Variants in UMODL1 observed in about 807,000 individuals in gnomAD.
The protein encoded by UMODL1 is uromodulin-like 1.
UMODL1 carries 128 observed loss-of-function variants against 136.3 expected under a neutral mutation model. The ratio of observed to expected loss-of-function variants is 0.94; its 90% CI spans 0.81 to 1.09. The LOEUF (loss-of-function observed/expected upper bound fraction) is 1.09. UMODL1 is among the 50% of genes least tolerant of loss of function. The pLI, the probability that UMODL1 is intolerant of heterozygous loss-of-function variation, is 0.00. For synonymous variants in UMODL1, 721 were observed against 720.0 expected (o/e 1.00, Z -0.02); for missense variants, 1,766 against 1,725.6 (o/e 1.02, Z -0.41).
chr21:42,083,520 G>A (rs1207974601), intron 2 of UMODL1, among the ~76,000 whole-genome samples: 1 of 152,198 alleles, frequency 6.6e-6, no homozygotes, highest in Non-Finnish European at 1.5e-5. Flanking sequence ...GAGCTGCTCC[G>A]AGCTCCCCTC....
chr21:42,117,665 G>A (rs762277415), intron 14 of UMODL1, among the ~76,000 whole-genome samples: 2 of 152,214 alleles, frequency 1.3e-5, no homozygotes, highest in Non-Finnish European at 1.5e-5. Flanking sequence ...AAACCCCAGC[G>A]CTTCCCCCAC....
intron 6 of UMODL1, among the ~76,000 whole-genome samples, chr21:42,096,194 C>G (rs1441401494): frequency 6.6e-6 from 1 of 152,170 alleles, no homozygotes; most frequent in Non-Finnish European, 1.5e-5. Context: ...AGGTAACACA[C>G]TGGAGAAAGG....
intron 7 of UMODL1, among the ~76,000 whole-genome samples, chr21:42,100,648 C>T (rs914071779): frequency 6.6e-6 from 1 of 152,022 alleles, no homozygotes; most frequent in Non-Finnish European, 1.5e-5. Flanking sequence ...ATTACAGAAC[C>T]ATCCTCCAGG....
At position 42,088,448 on chromosome 21, in the gene UMODL1, G is replaced by A. The variant is rs750001668; in HGVS notation, c.758G>A (p.Arg253His). 43 of 1,613,126 alleles carry A rather than the reference G, an allele frequency of 2.7e-5. No homozygotes were observed. In the South Asian group the frequency reaches 3.5e-4, roughly 13 times the overall value. Reference protein sequence around the residue: ...VSTLLGDIAKRVYEVISVQVQ... With the variant: ...VSTLLGDIAKHVYEVISVQVQ... ...ACCCTGCTGGGTGACATTGCGAAGCGTGTCTATGAAGTGATCAGCGTCCAG... is the reference window on the plus strand; with the variant it reads ...ACCCTGCTGGGTGACATTGCGAAGCATGTCTATGAAGTGATCAGCGTCCAG... Residue 253 changes from arginine to histidine, a missense_variant, in exon 5 of 23, where the codon CGT (arginine) becomes CAT (histidine). By Grantham distance (29) the Arg-to-His change is conservative. Coordinates refer to ENST00000408910, the MANE Select transcript of UMODL1 (RefSeq NM_001004416.3).
intron 9 of UMODL1, among the ~76,000 whole-genome samples, chr21:42,108,911 C>A: frequency 1.4e-5 from 2 of 142,778 alleles, no homozygotes; most frequent in East Asian, 2.2e-4. Context: ...CAGGCTGACC[C>A]CCACCCCCCC....
chr21:42,095,214 C>T (rs2066543127), intron 6 of UMODL1, among the ~76,000 whole-genome samples: 1 of 149,820 alleles, frequency 6.7e-6, no homozygotes, highest in Non-Finnish European at 1.5e-5. Context: ...CCTAGCTCAG[C>T]CCCCCAAGTA....
chr21:42,084,348 T>C, intron 3 of UMODL1, 103 bp downstream of exon 3: 1 of 1,337,040 alleles, frequency 7.5e-7, no homozygotes, highest in Non-Finnish European at 9.9e-7. Flanking sequence ...CTAGGAGCAG[T>C]GACCGATTTC....
intron 2 of UMODL1, among the ~76,000 whole-genome samples, chr21:42,076,529 G>A (rs112423527): frequency 1.3e-3 from 196 of 152,298 alleles, no homozygotes; most frequent in African/African-American, 4.5e-3. Context: ...GAGAACCTCT[G>A]CTGTTCTCAG....
Position 42,111,583 on chromosome 21 carries a change from T to C in UMODL1, c.1977T>C (p.His659=). 6.2e-7 allele frequency: 1 copy of C among 1,614,144 alleles called. No individual in the cohort carries two copies. Among genetic ancestry groups the C allele is most frequent in the Non-Finnish European group, 8.5e-7 (1 of 1,180,000 alleles). ...ACCCCACCGGCCACTTCCTGTGGCA[T>C]GCCACCCGTTCCACCCGGGAAACAC... is the stretch of plus-strand genomic sequence containing the variant. ...TEDPTGHFLW[H]ATRSTRETLL... is the part of the protein sequence containing the mutation. The change falls in exon 12 of 23, where the codon CAT becomes CAC. Residue 659 remains histidine (H), a synonymous_variant. Coordinates refer to ENST00000408910, the MANE Select transcript of UMODL1 (RefSeq NM_001004416.3).
At chr21:42,135,335 G>A (rs1055404434) in intron 21 of UMODL1, among the ~76,000 whole-genome samples, 1 of 152,212 alleles carries the variant, frequency 6.6e-6, no homozygotes, top group Admixed American at 6.5e-5. Context: ...ACCATTCCTG[G>A]ACTTTGGTGT....
chr21:42,110,897 A>T lies in UMODL1; in HGVS notation c.1675A>T (p.Met559Leu), dbSNP rs753188687. The T allele has an allele frequency of 6.2e-7, 1 of 1,608,652 alleles. No individual in the cohort carries two copies. The highest frequency in any genetic ancestry group is 1.1e-5 in the South Asian group (1 of 89,612). ...CTTGGCAGGTGACCTGGTGAGCCCC[A>T]TGGGCGGTGGACTGTCTGCGGCAAC... ...RACEGDLVSP[M>L]GGGLSAATGV... Residue 559 changes from methionine to leucine, a missense_variant, in exon 11 of 23, where the codon ATG becomes TTG. Coordinates refer to ENST00000408910, the MANE Select transcript of UMODL1 (RefSeq NM_001004416.3).
intron 1 of UMODL1, 114 bp from the exon 2 acceptor site, chr21:42,075,878 TGAGAGGCCTGCGC>T: frequency 1.4e-6 from 2 of 1,414,202 alleles, no homozygotes; most frequent in Non-Finnish European, 1.9e-6. Flanking sequence ...GGGCAGCTTC[TGAGAGGCCTGCGC>T]GAGTGCGGGA....
rs570749535 is a variant in UMODL1 at position 42,075,354 on chromosome 21, C to T, written c.77-651C>T. On this transcript the variant is annotated intron_variant, in intron 1 of 22. Transcript: ENST00000408910. ...GATTACAGGTGTGAGCCACCACGCC[C>T]GGCCTGAGCTGGTCTTTTATCATCA... Among the ~76,000 whole-genome samples, 33 of 152,308 alleles carry T rather than the reference C, an allele frequency of 2.2e-4. No homozygotes were observed. In the South Asian group the frequency reaches 4.6e-3, roughly 21 times the overall value.
intron 9 of UMODL1, chr21:42,108,169 A>C (rs2066749955): frequency 4.8e-6 from 2 of 413,946 alleles, no homozygotes; most frequent in Admixed American, 5.3e-5. Flanking sequence ...ACCACGCCCC[A>C]AAATAGACAT....
intron 1 of UMODL1, 125 bp downstream of exon 1, chr21:42,071,517 T>C: frequency 1.0e-6 from 1 of 1,001,976 alleles, no homozygotes; most frequent in Non-Finnish European, 1.3e-6. Context: ...AGAGGCGACA[T>C]CTGTTCTTTT....
chr21:42,102,796 T>C (rs938371694), intron 8 of UMODL1: 1 of 152,516 alleles, frequency 6.6e-6, no homozygotes, highest in African/African-American at 2.4e-5. Context: ...TTACCCTCCC[T>C]GCAAACTAAC....
chr21:42,100,651 C>A (rs2066616113), intron 7 of UMODL1, among the ~76,000 whole-genome samples: 1 of 152,030 alleles, frequency 6.6e-6, no homozygotes, highest in South Asian at 2.1e-4. Context: ...ACAGAACCAT[C>A]CTCCAGGGTA....
chr21:42,123,223 T>G lies in UMODL1; in HGVS notation c.3147+73T>G. The G allele has an allele frequency of 6.7e-7, 1 of 1,497,972 alleles. No individual in the cohort carries two copies. Among genetic ancestry groups the G allele is most frequent in the Non-Finnish European group, 9.0e-7 (1 of 1,110,692 alleles). 92.8% of individuals were successfully genotyped at this position (1,497,972 alleles called of 1,614,324 possible). Reference sequence around the variant, plus strand: ...GCTCTAGGTTACATGGGCCTCGATGTGGGAGGGCCAGGCAAGACTCTGCAC... The same window carrying G: ...GCTCTAGGTTACATGGGCCTCGATGGGGGAGGGCCAGGCAAGACTCTGCAC... On this transcript the variant is annotated intron_variant, in intron 17 of 22. Coordinates refer to ENST00000408910, the MANE Select transcript of UMODL1 (RefSeq NM_001004416.3). The surrounding 1 kb of genome is among the most constrained non-coding windows in gnomAD (Gnocchi z 4.4).
chr21:42,084,280 G>A, intron 3 of UMODL1, 35 bp downstream of exon 3: 1 of 1,605,702 alleles, frequency 6.2e-7, no homozygotes, highest in Non-Finnish European at 8.5e-7. Context: ...TGGACAGGCA[G>A]CAAAGGCGGG....
Sources: gnomAD v4.1 joint callset for allele counts (sites outside exome capture counted in the v4.1 genomes callset) on GRCh38, gnomAD v4.1.1 for gene constraint, Gnocchi (gnomAD v3.1) non-coding constraint, MANE v1.5 for transcripts, NCBI Gene and HGNC (gene_info 2026-07-23, HGNC 2026-07-21) for gene names.